Variants in FBRS observed in about 807,000 individuals in gnomAD.
The protein encoded by FBRS is probable fibrosin-1.
In FBRS, 15 loss-of-function variants were observed where a neutral mutation model predicts 86.1. That is an observed-to-expected ratio of 0.17 (90% confidence interval 0.12 to 0.27). The LOEUF is 0.27. Among genes scored for constraint, FBRS ranks in the 10% least tolerant of loss-of-function variants. The pLI is 1.00. For synonymous variants in FBRS, 666 were observed against 575.8 expected (o/e 1.16, Z -2.24); for missense variants, 1,367 against 1,301.6 (o/e 1.05, Z -0.77).
chr16:30,664,133 G>T, intron 6 of FBRS, 82 bp from the exon 7 acceptor site: 1 of 1,286,274 alleles, frequency 7.8e-7, no homozygotes, highest in Non-Finnish European at 9.9e-7. Context: ...CCAGGGTCAC[G>T]GTATCACCCA....
chr16:30,662,445 C>G lies in FBRS; in HGVS notation c.731C>G (p.Ser244Cys). ...ERVSDDDLDP[S>C]FTVSTSKASG... is the part of the protein sequence containing the mutation. ...GTCTCCGATGATGACCTCGACCCAT[C>G]CTTTACTGTCTCAACCAGCAAAGGT... is the stretch of plus-strand genomic sequence containing the variant. The change falls in exon 5 of 18, where the codon TCC becomes TGC. Residue 244 changes from serine (S) to cysteine (C), a missense_variant. Physicochemically the swap from Ser to Cys is moderately radical, Grantham distance 112 (BLOSUM62 -1). Around this residue, in one of 3 missense-constraint regions of FBRS, gnomAD observed 702 missense variants for 598.7 expected, o/e 1.17. Transcript: ENST00000356166. The G allele has an allele frequency of 6.4e-7, 1 of 1,550,664 alleles. No individual in the cohort carries two copies. Among genetic ancestry groups the G allele is most frequent in the Non-Finnish European group, 8.7e-7 (1 of 1,147,010 alleles).
Position 30,662,760 on chromosome 16 carries a change from G to A in FBRS, c.956G>A (p.Ser319Asn). Residue 319 changes from serine to asparagine, a missense_variant, in exon 6 of 18, where the codon AGT becomes AAT. By Grantham distance (46) the Ser-to-Asn change is conservative (BLOSUM62 1). This residue lies in a region of FBRS where 702 missense variants were observed against 598.7 expected (regional missense o/e 1.17). Coordinates refer to ENST00000356166, the MANE Select transcript of FBRS (RefSeq NM_001105079.3). ...SPPAPLPATP[S>N]LPPPPQPQLQ... ...CCTGCACCCCTGCCGGCCACTCCCA[G>A]TCTGCCACCCCCACCCCAGCCCCAG... The A allele has an allele frequency of 6.6e-7, 1 of 1,526,332 alleles. No homozygotes were observed. Among genetic ancestry groups the A allele is most frequent in the Non-Finnish European group, 8.8e-7 (1 of 1,131,840 alleles). The allele number at this position is 1,526,332 out of a possible 1,614,324, so 94.5% of individuals were successfully genotyped here.
rs748916050 is a variant in FBRS at position 30,667,035 on chromosome 16, G to A, written c.1875+45G>A. 28 of 1,553,320 alleles carry A rather than the reference G, an allele frequency of 1.8e-5. No homozygotes were observed. In the South Asian group the frequency reaches 2.9e-4, roughly 16 times the overall value. ...GGGGAGAGTGGGTCTCAGAGTCAGG[G>A]GAGGACTGAGCTCTGGGCATTGGCC... On this transcript the variant is annotated intron_variant, in intron 13 of 17. Transcript: ENST00000356166.
At position 30,666,975 on chromosome 16, in the gene FBRS, C is replaced by T; in HGVS notation, c.1860C>T (p.His620=). The T allele has an allele frequency of 6.2e-7, 1 of 1,610,690 alleles. No individual in the cohort carries two copies. ...HVRVAYMILR[H]QEKMKGDSHK... ...GTGTGGCTTACATGATCCTGAGACA[C>T]CAGGAGAAAATGAAGGTACTGGGGC... Residue 620 remains histidine (H), a synonymous_variant, in exon 13 of 18, where the codon CAC becomes CAT. Transcript: ENST00000356166.
Position 30,659,920 on chromosome 16 carries a change from G to A in FBRS, c.402G>A (p.Glu134=), listed in dbSNP as rs2052436389. The change falls in exon 1 of 18, where the codon GAG becomes GAA. Residue 134 remains glutamate, a synonymous_variant. Transcript: ENST00000356166. The part of the protein sequence containing the change: ...EEEPEEEEEE[E]EDLIDGFAIA... ...AGCCTGAGGAGGAGGAAGAGGAGGA[G>A]GAGGACTTGATCGATGGCTTCGCCA... The A allele has an allele frequency of 6.4e-7, 1 of 1,551,834 alleles. No homozygotes were observed.
intron 4 of FBRS, 161 bp from the exon 5 acceptor site, chr16:30,662,259 C>T (rs1184459546): frequency 7.2e-6 from 8 of 1,111,178 alleles, no homozygotes; most frequent in Non-Finnish European, 1.0e-5. Flanking sequence ...TCTCCAAGCT[C>T]AGCCCCCTAG....
chr16:30,666,443 G>A (rs1447427285), intron 11 of FBRS, 69 bp from the exon 12 acceptor site: 4 of 1,595,258 alleles, frequency 2.5e-6, no homozygotes, highest in Admixed American at 3.3e-5. Context: ...TGGATGCTGT[G>A]GAGATGCGAG....
intron 12 of FBRS, 63 bp downstream of exon 12, chr16:30,666,604 A>T: frequency 6.2e-7 from 1 of 1,612,356 alleles, no homozygotes; most frequent in Non-Finnish European, 8.5e-7. Flanking sequence ...TGTTTGGCTA[A>T]GGGGGGTTTT....
Position 30,665,609 on chromosome 16 carries a change from T to C in FBRS, c.1705-29T>C. 3 of 1,566,222 alleles carry C rather than the reference T, an allele frequency of 1.9e-6. No homozygotes were observed. Among genetic ancestry groups the C allele is most frequent in the Non-Finnish European group, 2.6e-6 (3 of 1,155,310 alleles). On this transcript the variant is annotated intron_variant, in intron 10 of 17. Coordinates refer to ENST00000356166, the MANE Select transcript of FBRS (RefSeq NM_001105079.3). The surrounding 1 kb of genome is among the most constrained non-coding windows in gnomAD (Gnocchi z 4.1). ...CCTTTGTGCTTGGTGCCAGCTCTCC[T>C]GTCTGATCCCTCCACTCCCCTTTCC...
At chr16:30,662,373 C>A in intron 4 of FBRS, 47 bp from the exon 5 acceptor site, 1 of 1,549,140 alleles carries the variant, frequency 6.5e-7, no homozygotes, top group Non-Finnish European at 8.7e-7. Flanking sequence ...TGGGTGGAGG[C>A]CTGGCCCACC....
chr16:30,667,064 A>T, intron 13 of FBRS, 74 bp downstream of exon 13: 1 of 1,420,060 alleles, frequency 7.0e-7, no homozygotes, highest in Non-Finnish European at 9.7e-7. Context: ...ATTGGCCCTC[A>T]ACAGAGCTCA....
intron 15 of FBRS, 23 bp downstream of exon 15, chr16:30,667,645 G>A (rs1289775062): frequency 1.1e-5 from 16 of 1,477,934 alleles, no homozygotes; most frequent in Non-Finnish European, 1.3e-5. Context: ...GGCGTGTTGG[G>A]CAACCCAGGC....
Position 30,669,632 on chromosome 16 carries a change from G to A in FBRS, c.2930G>A (p.Arg977Gln), listed in dbSNP as rs555016305. Reference protein sequence around the residue: ...SSPPRGPGPARADR With the variant: ...SSPPRGPGPAQADR ...CCACCTAGGGGCCCTGGCCCAGCTC[G>A]GGCTGACAGGTGAGGGGAACGGGGG... Residue 977 changes from arginine (R) to glutamine (Q), a missense_variant, in exon 18 of 18, where the codon CGG becomes CAG. By Grantham distance (43) the Arg-to-Gln change is conservative (BLOSUM62 1). Coordinates refer to ENST00000356166, the MANE Select transcript of FBRS (RefSeq NM_001105079.3). This position sits in a 1 kb window ranked among gnomAD's most constrained non-coding sequence, Gnocchi z 5.9. 38 of 1,600,034 alleles carry A rather than the reference G, an allele frequency of 2.4e-5. No homozygotes were observed. The highest frequency in any genetic ancestry group is 2.8e-5 in the Non-Finnish European group (33 of 1,175,316).
intron 2 of FBRS, among the ~76,000 whole-genome samples, chr16:30,660,801 C>T (rs993671249): frequency 1.3e-5 from 2 of 152,160 alleles, no homozygotes; most frequent in African/African-American, 4.8e-5. Context: ...TGAGAAGCTA[C>T]AGAAGACAAA....
rs867533369 is a variant in FBRS at position 30,659,572 on chromosome 16, G to T, written c.54G>T (p.Glu18Asp). Residue 18 changes from glutamate (E) to aspartate (D), a missense_variant, in exon 1 of 18, where the codon GAG becomes GAT. Physicochemically the swap from Glu to Asp is conservative, Grantham distance 45 (BLOSUM62 2). This residue lies in a region of FBRS where 702 missense variants were observed against 598.7 expected (regional missense o/e 1.17). Coordinates refer to ENST00000356166, the MANE Select transcript of FBRS (RefSeq NM_001105079.3). Reference sequence around the variant, plus strand: ...GTCCGGGCTGGGCAGCAGAGGGGGAGCGCCGACGGCGGCGCTGCTCGCGCC... The same window carrying T: ...GTCCGGGCTGGGCAGCAGAGGGGGATCGCCGACGGCGGCGCTGCTCGCGCC... ...APGPGWAAEGERRRRRCSRRD... is the reference protein window; with the variant it reads ...APGPGWAAEGDRRRRRCSRRD... 1.5e-5 allele frequency: 5 copies of T among 335,742 alleles called. No homozygotes were observed. Among genetic ancestry groups the T allele is most frequent in the Admixed American group, 9.8e-5 (2 of 20,400 alleles). 20.8% of individuals were successfully genotyped at this position (335,742 alleles called of 1,614,324 possible). A position where few individuals can be genotyped will look rare whatever the true frequency, so the allele number is the denominator to read the frequency against.
In FBRS at chr16:30,669,642, G is replaced by C. The variant is rs200917394; in HGVS notation, c.2940G>C (p.Arg980Ser). 5.6e-6 allele frequency: 9 copies of C among 1,594,574 alleles called. No homozygotes were observed. The Admixed American group carries it at 8.6e-5, about 15-fold the overall frequency. ...GCCCTGGCCCAGCTCGGGCTGACAG[G>C]TGAGGGGAACGGGGGGGGGTCGGGG... ...PRGPGPARAD[R>S] Residue 980 changes from arginine to serine, a missense_variant, in exon 18 of 18, where the codon AGG (arginine) becomes AGC (serine). By Grantham distance (110) the Arg-to-Ser change is moderately radical (BLOSUM62 -1). Coordinates refer to ENST00000356166, the MANE Select transcript of FBRS (RefSeq NM_001105079.3). This position sits in a 1 kb window ranked among gnomAD's most constrained non-coding sequence, Gnocchi z 5.9.
At position 30,669,086 on chromosome 16, in the gene FBRS, G is replaced by A. The variant is rs779469767; in HGVS notation, c.2384G>A (p.Arg795Gln). 1.4e-5 allele frequency: 22 copies of A among 1,588,252 alleles called. No homozygotes were observed. The highest frequency in any genetic ancestry group is 1.1e-4 in the African/African-American group (8 of 72,764). The change falls in exon 18 of 18, where the codon CGG becomes CAG. Residue 795 changes from arginine to glutamine, a missense_variant. By Grantham distance (43) the Arg-to-Gln change is conservative. Coordinates refer to ENST00000356166, the MANE Select transcript of FBRS (RefSeq NM_001105079.3). This position sits in a 1 kb window ranked among gnomAD's most constrained non-coding sequence, Gnocchi z 5.9. ...CCCTCCAGGGACCTCCCCTTCTCAC[G>A]GCCCCAGCTCCGAGTTTCTCCTGCT... ...EEKDRDLPFS[R>Q]PQLRVSPATP...
chr16:30,660,201 C>G (rs2151265409), intron 1 of FBRS, 62 bp from the exon 2 acceptor site: 1 of 1,383,960 alleles, frequency 7.2e-7, no homozygotes, highest in South Asian at 1.7e-5. Context: ...ACCTGGTCAC[C>G]CCTAGAGGGG....
rs1439785822 is a variant in FBRS, at chr16:30,661,162, G to A, written c.640-18G>A. On this transcript the variant is annotated intron_variant, in intron 2 of 17. Coordinates refer to ENST00000356166, the MANE Select transcript of FBRS (RefSeq NM_001105079.3). ...TCAGCAGCCGCCTCCCTCACCTCTG[G>A]ACTCTGGTCTTCCTCAGGCGTCCTC... The A allele has an allele frequency of 1.3e-6, 2 of 1,550,434 alleles. No homozygotes were observed. Among genetic ancestry groups the A allele is most frequent in the African/African-American group, 2.7e-5 (2 of 73,118 alleles).
Sources: gnomAD v4.1 joint callset for allele counts (sites outside exome capture counted in the v4.1 genomes callset) on GRCh38, gnomAD v4.1.1 for gene constraint, gnomAD v4.1.1 regional missense constraint, Gnocchi (gnomAD v3.1) non-coding constraint, MANE v1.5 for transcripts, NCBI Gene and HGNC (gene_info 2026-07-23, HGNC 2026-07-21) for gene names.